The following RGS12 variants were observed in gnomAD, a reference collection of about 807,000 sequenced individuals.
RGS12 encodes regulator of G protein signaling 12.
In RGS12, 66 loss-of-function variants were observed where a neutral mutation model predicts 120.1. The ratio of observed to expected loss-of-function variants is 0.55; its 90% CI spans 0.45 to 0.67. The LOEUF (loss-of-function observed/expected upper bound fraction) is 0.67, where lower values mean the gene tolerates loss of function less well. Ranked by LOEUF, RGS12 falls within the 30% of genes least tolerant of loss-of-function variation. The pLI is 0.00. For synonymous variants in RGS12, 827 were observed against 804.7 expected (o/e 1.03, Z -0.47); for missense variants, 1,859 against 1,957.7 (o/e 0.95, Z 0.95).
Position 3,317,007 on chromosome 4 carries a change from CTG to C in RGS12, c.842_843del (p.Val281AlafsTer5). The C allele has an allele frequency of 6.2e-7, 1 of 1,613,760 alleles. No homozygotes were observed. Reference protein sequence around the residue: ...SLVTMKIMHDCVQLSTDKAGV... With the variant: ...SLVTMKIMHDXVQLSTDKAGV... ...TGGTGACCATGAAGATCATGCACGA[CTG>C]TGTGCAGCTGAGCACTGACAAGGCT... On this transcript the variant is annotated frameshift_variant, in exon 2 of 18. Coordinates refer to ENST00000336727, the MANE Select transcript of RGS12 (RefSeq NM_001394154.1). LOFTEE classifies it high-confidence loss of function.
intron 2 of RGS12, chr4:3,342,614 A>G: frequency 7.6e-7 from 1 of 1,316,090 alleles, no homozygotes; most frequent in Non-Finnish European, 1.0e-6. Context: ...CTTGCACGTG[A>G]TTTCATTTGA....
chr4:3,338,699 G>A (rs1712748881), intron 2 of RGS12, among the ~76,000 whole-genome samples: 1 of 152,196 alleles, frequency 6.6e-6, no homozygotes, highest in Non-Finnish European at 1.5e-5. Context: ...GGGTGTGGTG[G>A]CCGAAGGCTG....
chr4:3,314,272 A>G (rs1423569499), intron 1 of RGS12: 1 of 152,060 alleles, frequency 6.6e-6, no homozygotes, highest in Non-Finnish European at 1.5e-5. Flanking sequence ...TTTCCACTCT[A>G]TCTAGTTCTG....
intron 4 of RGS12, among the ~76,000 whole-genome samples, chr4:3,396,164 G>A (rs746202267): frequency 7.2e-5 from 11 of 152,050 alleles, no homozygotes; most frequent in African/African-American, 7.2e-5. Context: ...AGAACTGTGG[G>A]TGCGGAGGGC....
intron 2 of RGS12, among the ~76,000 whole-genome samples, chr4:3,340,549 C>T (rs1334487942): frequency 6.6e-6 from 1 of 152,184 alleles, no homozygotes; most frequent in Admixed American, 6.5e-5. Flanking sequence ...CAGGAGGGAG[C>T]GGGGGTGGCA....
chr4:3,436,721 C>CAAGT (rs1269495119), intron 17 of RGS12, among the ~76,000 whole-genome samples: 1 of 152,190 alleles, frequency 6.6e-6, no homozygotes, highest in Non-Finnish European at 1.5e-5. Flanking sequence ...CATTCATGGA[C>CAAGT]AAGTGTCTGG....
chr4:3,395,565 A>G (rs1026493276), intron 4 of RGS12, among the ~76,000 whole-genome samples: 4 of 152,246 alleles, frequency 2.6e-5, no homozygotes, highest in African/African-American at 9.7e-5. Context: ...GACTAGCAGT[A>G]TATAAGAATT....
At position 3,340,813 on chromosome 4, in the gene RGS12, C is replaced by T. The variant is rs533810406; in HGVS notation, c.1882-2124C>T. On this transcript the variant is annotated intron_variant, in intron 2 of 17. Coordinates refer to ENST00000336727, the MANE Select transcript of RGS12 (RefSeq NM_001394154.1). ...AGTCCGTTCTCCAGCCTCGGAGGCA[C>T]GGCGTGCACGGGGGCCTGCTCCTTA... Among the ~76,000 whole-genome samples the T allele has an allele frequency of 7.9e-5, 12 of 151,142 alleles. No homozygotes were observed. In the South Asian group the frequency reaches 1.9e-3, roughly 23 times the overall value.
At chr4:3,368,628 ATG>A (rs1417194033) in intron 3 of RGS12, among the ~76,000 whole-genome samples, 2 of 69,846 alleles carry the variant, frequency 2.9e-5, no homozygotes, top group African/African-American at 5.8e-5. Flanking sequence ...GGGGGGGTAC[ATG>A]TGTGTGTGTG....
intron 4 of RGS12, chr4:3,407,582 C>T (rs1441731562): frequency 2.0e-5 from 3 of 152,298 alleles, no homozygotes; most frequent in Non-Finnish European, 4.4e-5. Context: ...AGGTAAAGTC[C>T]CTTGTCCCCA....
rs949433287 is a variant in RGS12 at position 3,428,183 on chromosome 4, C to T, written c.3411+14C>T. On this transcript the variant is annotated intron_variant, in intron 15 of 17. Coordinates refer to ENST00000336727, the MANE Select transcript of RGS12 (RefSeq NM_001394154.1). ...CACTCGGCTACGGTAATTCCCCACC[C>T]TGGCCCACCCTGTGCCCTGCTCCTC... 5.0e-6 allele frequency: 8 copies of T among 1,610,090 alleles called. No individual in the cohort carries two copies. The highest frequency in any genetic ancestry group is 1.3e-5 in the African/African-American group (1 of 74,982).
chr4:3,363,515 G>C (rs1279660337), intron 3 of RGS12, among the ~76,000 whole-genome samples: 1 of 152,066 alleles, frequency 6.6e-6, no homozygotes. Context: ...GCGGTGGGGA[G>C]AAGTGCAGCG....
intron 7 of RGS12, among the ~76,000 whole-genome samples, chr4:3,416,364 G>C (rs1478620693): frequency 6.6e-6 from 1 of 152,208 alleles, no homozygotes; most frequent in East Asian, 1.9e-4. Context: ...GCAATGAGCC[G>C]GCTGTTCACG....
At chr4:3,384,078 T>C (rs2108955786) in intron 3 of RGS12, among the ~76,000 whole-genome samples, 1 of 152,370 alleles carries the variant, frequency 6.6e-6, no homozygotes, top group East Asian at 1.9e-4. Flanking sequence ...TTTCAGATCT[T>C]ATTGACAGCA....
At chr4:3,381,915 G>A (rs1718302042) in intron 3 of RGS12, among the ~76,000 whole-genome samples, 1 of 152,194 alleles carries the variant, frequency 6.6e-6, no homozygotes, top group Non-Finnish European at 1.5e-5. Flanking sequence ...GAATATACCT[G>A]GGAGTGAGAG....
chr4:3,423,784 C>T, intron 13 of RGS12, 143 bp downstream of exon 13: 1 of 979,424 alleles, frequency 1.0e-6, no homozygotes, highest in Non-Finnish European at 1.5e-6. Flanking sequence ...GGAGAGGAGA[C>T]AGCCTCTGCC....
At chr4:3,300,563 G>C (rs183908601) in intron 1 of RGS12, among the ~76,000 whole-genome samples, 1 of 152,108 alleles carries the variant, frequency 6.6e-6, no homozygotes, top group Non-Finnish European at 1.5e-5. Context: ...AGCAGCCCCC[G>C]GTCCCGTCAC....
intron 16 of RGS12, 43 bp downstream of exon 16, chr4:3,428,754 CAGTT>C (rs1359693632): frequency 1.3e-6 from 2 of 1,523,132 alleles, no homozygotes; most frequent in Non-Finnish European, 1.8e-6. Flanking sequence ...AGTAAATGCA[CAGTT>C]AGTTTCCAGT....
intron 1 of RGS12, among the ~76,000 whole-genome samples, chr4:3,298,836 A>C (rs924053832): frequency 6.6e-6 from 1 of 152,082 alleles, no homozygotes; most frequent in African/African-American, 2.4e-5. Flanking sequence ...CTTATTTTTT[A>C]TGGTTGCCAT....
Sources: allele counts gnomAD v4.1 joint callset (sites outside exome capture counted in the v4.1 genomes callset), GRCh38; gene constraint gnomAD v4.1.1; transcripts MANE v1.5; gene names NCBI Gene and HGNC (gene_info 2026-07-23, HGNC 2026-07-21).